ITGA1: variants seen among roughly 807,000 people sequenced by gnomAD.
ITGA1 encodes integrin alpha-1.
Under a neutral mutation model 145.9 loss-of-function variants are expected in ITGA1, and 85 were observed. The ratio of observed to expected loss-of-function variants is 0.58; its 90% confidence interval spans 0.49 to 0.70. The LOEUF is 0.70. Among genes scored for constraint, ITGA1 ranks in the 30% least tolerant of loss-of-function variants. The pLI is 0.00. For synonymous variants in ITGA1, 520 were observed against 495.3 expected (o/e 1.05, Z -0.66); for missense variants, 1,351 against 1,418.7 (o/e 0.95, Z 0.77).
chr5:52,857,008 C>T (rs1580064991), intron 2 of ITGA1, among the ~76,000 whole-genome samples: 1 of 152,324 alleles, frequency 6.6e-6, no homozygotes, highest in Non-Finnish European at 1.5e-5. Flanking sequence ...GGCTTCTTCA[C>T]ATCCTGATGT....
chr5:52,849,474 A>G lies in ITGA1; in HGVS notation c.171A>G (p.Glu57=). The G allele has an allele frequency of 6.2e-7, 1 of 1,602,184 alleles. No individual in the cohort carries two copies. The highest frequency in any genetic ancestry group is 8.5e-7 in the Non-Finnish European group (1 of 1,172,658). The change falls in exon 2 of 29, where the codon GAA becomes GAG. Residue 57 remains glutamate (E), a synonymous_variant. Coordinates refer to ENST00000282588, the MANE Select transcript of ITGA1 (RefSeq NM_181501.2). The part of the protein sequence containing the change: ...FGYTVQQYEN[E]EGKWVLIGSP... ...ATACTGTTCAACAATATGAAAATGAAGAAGGAAAATGGTAAGCCAGTGGGT... is the reference window on the plus strand; with the variant it reads ...ATACTGTTCAACAATATGAAAATGAGGAAGGAAAATGGTAAGCCAGTGGGT...
intron 9 of ITGA1, among the ~76,000 whole-genome samples, chr5:52,895,098 C>T (rs944343988): frequency 6.6e-6 from 1 of 151,958 alleles, no homozygotes; most frequent in African/African-American, 2.4e-5. Flanking sequence ...ACCCTAATCT[C>T]TTTCAATGAA....
At chr5:52,896,177 A>T (rs1008247152) in intron 9 of ITGA1, among the ~76,000 whole-genome samples, 6 of 152,208 alleles carry the variant, frequency 3.9e-5, no homozygotes, top group Admixed American at 3.3e-4. Context: ...CAAGAAGCCC[A>T]GGAGAATATA....
chr5:52,942,314 A>G (rs540401893), intron 26 of ITGA1, among the ~76,000 whole-genome samples: 40 of 152,158 alleles, frequency 2.6e-4, no homozygotes, highest in Non-Finnish European at 4.6e-4. Context: ...TCTGTGAAAA[A>G]TGATGTTGGT....
At chr5:52,886,785 T>A (rs1750057769) in intron 7 of ITGA1, among the ~76,000 whole-genome samples, 1 of 152,198 alleles carries the variant, frequency 6.6e-6, no homozygotes. Flanking sequence ...TGTTTTGTTT[T>A]GTTTTTGAGA....
intron 17 of ITGA1, among the ~76,000 whole-genome samples, chr5:52,921,747 TG>T (rs1750732351): frequency 6.6e-6 from 1 of 152,218 alleles, no homozygotes; most frequent in Admixed American, 6.5e-5. Context: ...AAATTTGTTC[TG>T]GAGTCAGCCA....
intron 19 of ITGA1, 51 bp downstream of exon 19, chr5:52,925,538 C>G: frequency 7.3e-7 from 1 of 1,361,668 alleles, no homozygotes; most frequent in East Asian, 2.3e-5. Context: ...ATTTACCTGG[C>G]CTACTTTTCA....
At chr5:52,871,370 A>G (rs1363302554) in intron 6 of ITGA1, among the ~76,000 whole-genome samples, 2 of 152,200 alleles carry the variant, frequency 1.3e-5, no homozygotes, top group African/African-American at 4.8e-5. Context: ...ATAGCAAAAT[A>G]CTTCACTTTA....
intron 2 of ITGA1, 95 bp downstream of exon 2, chr5:52,849,580 A>G (rs1749397801): frequency 4.5e-6 from 5 of 1,112,466 alleles, no homozygotes; most frequent in African/African-American, 1.6e-5. Flanking sequence ...TGAAACTTTA[A>G]CAGAATGAAT....
chr5:52,788,439 C>T, intron 1 of ITGA1, 25 bp downstream of exon 1: 1 of 1,491,138 alleles, frequency 6.7e-7, no homozygotes, highest in South Asian at 1.3e-5. Context: ...TTTCTCTGAG[C>T]ATCTCCTGCT....
chr5:52,906,474 G>A (rs573477381), intron 12 of ITGA1, among the ~76,000 whole-genome samples: 1 of 152,240 alleles, frequency 6.6e-6, no homozygotes, highest in African/African-American at 2.4e-5. Context: ...AATATTAAAA[G>A]AAGTTTGGGA....
intron 6 of ITGA1, among the ~76,000 whole-genome samples, chr5:52,876,669 A>T (rs1383143184): frequency 6.6e-6 from 1 of 152,154 alleles, no homozygotes; most frequent in Non-Finnish European, 1.5e-5. Flanking sequence ...GCAAAGCAAA[A>T]CAGCAGTGAA....
intron 26 of ITGA1, among the ~76,000 whole-genome samples, chr5:52,943,959 C>T (rs75613109): frequency 1.5e-3 from 235 of 152,286 alleles, no homozygotes; most frequent in African/African-American, 4.9e-3. Flanking sequence ...CCAGGCTGGG[C>T]GGCAGAGACT....
At position 52,887,843 on chromosome 5, in the gene ITGA1, G is replaced by T. The variant is rs779229945; in HGVS notation, c.802G>T (p.Ala268Ser). ...RKEAFTEARGARRGVKKVMVI... is the reference protein window; with the variant it reads ...RKEAFTEARGSRRGVKKVMVI... ...GGAGGCATTCACGGAAGCCCGGGGT[G>T]CCCGAAGAGGAGTTAAAAAAGTCAT... The change falls in exon 8 of 29, where the codon GCC becomes TCC. Residue 268 changes from alanine (A) to serine (S), a missense_variant. Transcript: ENST00000282588. 2.0e-5 allele frequency: 32 copies of T among 1,613,466 alleles called. No individual in the cohort carries two copies. Among genetic ancestry groups the T allele is most frequent in the Non-Finnish European group, 2.6e-5 (31 of 1,179,570 alleles).
At chr5:52,839,030 G>C (rs1012694407) in intron 1 of ITGA1, among the ~76,000 whole-genome samples, 1 of 152,152 alleles carries the variant, frequency 6.6e-6, no homozygotes, top group Non-Finnish European at 1.5e-5. Flanking sequence ...TGGCGAGGCC[G>C]AGGCTGCAGT....
intron 6 of ITGA1, among the ~76,000 whole-genome samples, chr5:52,868,112 A>G (rs1749717064): frequency 6.6e-6 from 1 of 152,070 alleles, no homozygotes; most frequent in African/African-American, 2.4e-5. Flanking sequence ...TGTTTTGTCC[A>G]TCCCATTTGA....
intron 22 of ITGA1, 83 bp downstream of exon 22, chr5:52,932,219 C>T (rs1173934658): frequency 1.3e-5 from 10 of 789,534 alleles, no homozygotes; most frequent in Non-Finnish European, 1.9e-5. Context: ...TGGCCAAGGG[C>T]ATCAGCATCA....
At chr5:52,885,446 G>A (rs1321970415) in intron 7 of ITGA1, among the ~76,000 whole-genome samples, 3 of 151,968 alleles carry the variant, frequency 2.0e-5, no homozygotes, top group African/African-American at 7.3e-5. Flanking sequence ...CAGAAACCCA[G>A]GTTAAAGACC....
At chr5:52,843,767 A>G (rs187392587) in intron 1 of ITGA1, among the ~76,000 whole-genome samples, 17 of 152,286 alleles carry the variant, frequency 1.1e-4, no homozygotes, top group East Asian at 7.7e-4. Flanking sequence ...CAGAAATCCT[A>G]TGATTTGGCC....
Sources: gnomAD v4.1 joint callset for allele counts (sites outside exome capture counted in the v4.1 genomes callset) on GRCh38, gnomAD v4.1.1 for gene constraint, MANE v1.5 for transcripts, NCBI Gene and HGNC (gene_info 2026-07-23, HGNC 2026-07-21) for gene names.